Variants in CXorf66 observed in about 807,000 individuals in gnomAD.
The protein encoded by CXorf66 is uncharacterized protein CXorf66.
Under a neutral mutation model 5.0 loss-of-function variants are expected in CXorf66, and 6 were observed. The ratio of observed to expected loss-of-function variants is 1.20; its 90% CI spans 0.65 to 2.36. The LOEUF is 2.36. Ranked by LOEUF, CXorf66 falls within the 30% of genes most tolerant of loss-of-function variation. The pLI is 0.00. For missense variants in CXorf66, 270 were observed against 254.9 expected (o/e 1.06, Z -0.40); for synonymous variants, 98 against 102.8 (o/e 0.95, Z 0.28).
intron 1 of CXorf66, among the ~76,000 whole-genome samples, chrX:139,963,351 A>T (rs755198420): frequency 8.9e-6 from 1 of 111,829 alleles, no homozygotes; most frequent in Admixed American, 9.5e-5. Context: ...AATACAACTT[A>T]CAAGAGATGT....
rs1380492634 is a variant in CXorf66 at position 139,956,204 on chromosome X, A to T, written c.778T>A (p.Ser260Thr). The T allele has an allele frequency of 5.8e-6, 7 of 1,211,538 alleles. No individual in the cohort carries two copies. Among genetic ancestry groups the T allele is most frequent in the African/African-American group, 1.7e-5 (1 of 57,805 alleles). Residue 260 changes from serine (S) to threonine (T), a missense_variant, in exon 3 of 3, where the codon TCT becomes ACT. By Grantham distance (58) the Ser-to-Thr change is moderately conservative. Transcript: ENST00000370540. ...GGTTGACAAGTTTCAGCTAATTCAG[A>T]GTTGGATAATAAGGCTGCCCTGCCT... ...SLGRAALLSN[S>T]ELAETCQPYK...
Position 139,958,157 on chromosome X carries a change from A to T in CXorf66, c.149T>A (p.Ile50Asn). 1 of 1,198,993 alleles carries T rather than the reference A, an allele frequency of 8.3e-7. No homozygotes were observed. Among genetic ancestry groups the T allele is most frequent in the Non-Finnish European group, 1.1e-6 (1 of 886,503 alleles). Residue 50 changes from isoleucine (I) to asparagine (N), a missense_variant, in exon 2 of 3, where the codon ATT (isoleucine) becomes AAT (asparagine). Coordinates refer to ENST00000370540, the MANE Select transcript of CXorf66 (RefSeq NM_001013403.3). The part of the protein sequence containing the change: ...KLNYLRRNLL[I>N]LVGIIIMVFV... ...AACCATGATGATAATACCAACTAAAATGAGTAGATTTCTTCTAAGGTAGTT... is the reference window on the plus strand; with the variant it reads ...AACCATGATGATAATACCAACTAAATTGAGTAGATTTCTTCTAAGGTAGTT...
chrX:139,956,884 C>T (rs140431147), intron 2 of CXorf66, 145 bp from the exon 3 acceptor site: 53 of 587,345 alleles, frequency 9.0e-5, no homozygotes, highest in East Asian at 3.4e-4. Context: ...CGGAGTGTGA[C>T]GGCTGTGTGT....
At chrX:139,957,494 T>C (rs959516094) in intron 2 of CXorf66, among the ~76,000 whole-genome samples, 3 of 111,898 alleles carry the variant, frequency 2.7e-5, no homozygotes, top group African/African-American at 9.7e-5. Flanking sequence ...ATTGTTTTTG[T>C]ATCATATTTA....
At chrX:139,962,415 A>G (rs2085596469) in intron 1 of CXorf66, among the ~76,000 whole-genome samples, 1 of 111,606 alleles carries the variant, frequency 9.0e-6, no homozygotes, top group Non-Finnish European at 1.9e-5. Context: ...AAGTTCTGAA[A>G]TTGAGGCAGT....
chrX:139,957,093 G>A (rs772644663), intron 2 of CXorf66, among the ~76,000 whole-genome samples: 72 of 111,328 alleles, frequency 6.5e-4, no homozygotes, highest in African/African-American at 2.3e-3. Context: ...TCTGAACCTG[G>A]GAGGCAGAGG....
Position 139,955,785 on chromosome X carries a change from G to T in CXorf66, c.*111C>A. 1 of 654,275 alleles carries T rather than the reference G, an allele frequency of 1.5e-6. No homozygotes were observed. The highest frequency in any genetic ancestry group is 2.2e-6 in the Non-Finnish European group (1 of 449,079). The allele number at this position is 654,275 out of a possible 1,213,427, so 53.9% of individuals were successfully genotyped here. A position where few individuals can be genotyped will look rare whatever the true frequency, so the allele number is the denominator to read the frequency against. ...ATAAATCGCCTCCAAGACAGATATG[G>T]GTGATCTTGATAGTGATTTTTCCCT... On this transcript the variant is annotated 3_prime_UTR_variant, in exon 3 of 3. Transcript: ENST00000370540.
At chrX:139,963,051 G>A (rs1365333093) in intron 1 of CXorf66, among the ~76,000 whole-genome samples, 3 of 111,837 alleles carry the variant, frequency 2.7e-5, no homozygotes, top group Non-Finnish European at 5.6e-5. Flanking sequence ...ATTCAACATA[G>A]TATTGGAACT....
In CXorf66 at chrX:139,956,678, C is replaced by T. The variant is rs1245473654; in HGVS notation, c.304G>A (p.Ala102Thr). 1 of 1,209,643 alleles carries T rather than the reference C, an allele frequency of 8.3e-7. No individual in the cohort carries two copies. The highest frequency in any genetic ancestry group is 1.8e-5 in the South Asian group (1 of 56,863). Residue 102 changes from alanine to threonine, a missense_variant, in exon 3 of 3, where the codon GCC becomes ACC. Ala to Thr is a moderately conservative substitution (Grantham distance 58). Coordinates refer to ENST00000370540, the MANE Select transcript of CXorf66 (RefSeq NM_001013403.3). ...SKTSFSEAKT[A>T]SQCSPETQPM... ...TGTGTTTCTGGACTGCATTGAGAGGCTGTCTTGGCTTCACTGAATGATGTT... is the reference window on the plus strand; with the variant it reads ...TGTGTTTCTGGACTGCATTGAGAGGTTGTCTTGGCTTCACTGAATGATGTT...
rs2085574759 is a variant in CXorf66, at chrX:139,956,618, A to G, written c.364T>C (p.Ser122Pro). The G allele has an allele frequency of 8.3e-7, 1 of 1,209,405 alleles. No individual in the cohort carries two copies. The highest frequency in any genetic ancestry group is 1.8e-5 in the African/African-American group (1 of 56,973). The part of the protein sequence containing the change: ...MLSTADKSSD[S>P]SSPERASAQS... ...GCGGATGCCCTTTCTGGACTCGATGAATCAGATGACTTGTCTGCAGTAGAT... is the reference window on the plus strand; with the variant it reads ...GCGGATGCCCTTTCTGGACTCGATGGATCAGATGACTTGTCTGCAGTAGAT... The change falls in exon 3 of 3, where the codon TCA (serine) becomes CCA (proline). Residue 122 changes from serine (S) to proline (P), a missense_variant. Ser to Pro is a moderately conservative substitution (Grantham distance 74). Coordinates refer to ENST00000370540, the MANE Select transcript of CXorf66 (RefSeq NM_001013403.3).
chrX:139,965,401 G>A lies in CXorf66; in HGVS notation c.88+8C>T. 1 of 1,173,854 alleles carries A rather than the reference G, an allele frequency of 8.5e-7. No homozygotes were observed. Among genetic ancestry groups the A allele is most frequent in the Non-Finnish European group, 1.2e-6 (1 of 862,727 alleles). On this transcript the variant is annotated splice_region_variant and intron_variant, in intron 1 of 2. Coordinates refer to ENST00000370540, the MANE Select transcript of CXorf66 (RefSeq NM_001013403.3). ...CATAATTTACAAGTTTTAAGGTTAG[G>A]CACCTACCTGTAGTAGAAGATCCAT...
rs779314930 is a variant in CXorf66 at position 139,958,176 on chromosome X, G to A, written c.130C>T (p.Leu44Phe). The change falls in exon 2 of 3, where the codon CTT becomes TTT. Residue 44 changes from leucine to phenylalanine, a missense_variant. By Grantham distance (22) the Leu-to-Phe change is conservative. Coordinates refer to ENST00000370540, the MANE Select transcript of CXorf66 (RefSeq NM_001013403.3). ...ACTAAAATGAGTAGATTTCTTCTAA[G>A]GTAGTTCAATTTTGTCTGCATTGAT... The part of the protein sequence containing the change: ...VESMQTKLNY[L>F]RRNLLILVGI... 11 of 1,191,173 alleles carry A rather than the reference G, an allele frequency of 9.2e-6. No individual in the cohort carries two copies. The East Asian group carries it at 3.3e-4, about 36-fold the overall frequency.
At chrX:139,960,256 C>T (rs2085588709) in intron 1 of CXorf66, among the ~76,000 whole-genome samples, 1 of 108,987 alleles carries the variant, frequency 9.2e-6, no homozygotes, top group Admixed American at 1.0e-4. Flanking sequence ...GTGAAAAACA[C>T]AGCACGAGAA....
intron 2 of CXorf66, 111 bp from the exon 3 acceptor site, chrX:139,956,850 A>G: frequency 1.4e-6 from 1 of 732,385 alleles, no homozygotes; most frequent in East Asian, 3.2e-5. Context: ...GGGCTTTAAT[A>G]TGAAAACTGA....
Position 139,958,112 on chromosome X carries a change from C to T in CXorf66, c.194G>A (p.Cys65Tyr), listed in dbSNP as rs752471296. 3.3e-6 allele frequency: 4 copies of T among 1,205,445 alleles called. No individual in the cohort carries two copies. The highest frequency in any genetic ancestry group is 4.5e-6 in the Non-Finnish European group (4 of 892,881). The change falls in exon 2 of 3, where the codon TGT (cysteine) becomes TAT (tyrosine). Residue 65 changes from cysteine (C) to tyrosine (Y), a missense_variant. Cys to Tyr is a radical substitution (Grantham distance 194). Coordinates refer to ENST00000370540, the MANE Select transcript of CXorf66 (RefSeq NM_001013403.3). Reference sequence around the variant, plus strand: ...GCTCAGACAATTATAATGGAGATAACAAAAACAGATAAAGACAAAAACCAT... The same window carrying T: ...GCTCAGACAATTATAATGGAGATAATAAAAACAGATAAAGACAAAAACCAT... ...IIMVFVFICFCYLHYNCLSDD... is the reference protein window; with the variant it reads ...IIMVFVFICFYYLHYNCLSDD...
chrX:139,959,878 A>G (rs2148218143), intron 1 of CXorf66, among the ~76,000 whole-genome samples: 1 of 111,962 alleles, frequency 8.9e-6, no homozygotes, highest in East Asian at 2.8e-4. Flanking sequence ...AATAATATCA[A>G]CATCAACAAA....
rs201034623 is a variant in CXorf66 at position 139,955,996 on chromosome X, G to A, written c.986C>T (p.Thr329Met). The change falls in exon 3 of 3, where the codon ACG (threonine) becomes ATG (methionine). Residue 329 changes from threonine (T) to methionine (M), a missense_variant. By Grantham distance (81) the Thr-to-Met change is moderately conservative. Coordinates refer to ENST00000370540, the MANE Select transcript of CXorf66 (RefSeq NM_001013403.3). ...AYGDHVNDSD[T>M]MKYYSEVDSD... ...GTCAACCTCACTATAATATTTCATC[G>A]TATCACTGTCATTCACATGATCACC... 2 of 1,208,026 alleles carry A rather than the reference G, an allele frequency of 1.7e-6. No homozygotes were observed. The highest frequency in any genetic ancestry group is 1.8e-5 in the African/African-American group (1 of 57,047).
chrX:139,958,023 A>G (rs758330956), intron 2 of CXorf66, 41 bp downstream of exon 2: 2 of 1,144,942 alleles, frequency 1.7e-6, no homozygotes, highest in African/African-American at 3.6e-5. Flanking sequence ...ATGTACACAC[A>G]CACACACCTC....
At position 139,958,161 on chromosome X, in the gene CXorf66, G is replaced by A. The variant is rs749509683; in HGVS notation, c.145C>T (p.Leu49Phe). The A allele has an allele frequency of 5.8e-6, 7 of 1,196,929 alleles. No homozygotes were observed. Among genetic ancestry groups the A allele is most frequent in the Non-Finnish European group, 1.1e-6 (1 of 886,369 alleles). The part of the protein sequence containing the change: ...TKLNYLRRNL[L>F]ILVGIIIMVF... ...ATGATGATAATACCAACTAAAATGA[G>A]TAGATTTCTTCTAAGGTAGTTCAAT... Residue 49 changes from leucine to phenylalanine, a missense_variant, in exon 2 of 3, where the codon CTC (leucine) becomes TTC (phenylalanine). By Grantham distance (22) the Leu-to-Phe change is conservative. Transcript: ENST00000370540.
Sources: allele counts gnomAD v4.1 joint callset (sites outside exome capture counted in the v4.1 genomes callset), GRCh38; gene constraint gnomAD v4.1.1; transcripts MANE v1.5; gene names NCBI Gene and HGNC (gene_info 2026-07-23, HGNC 2026-07-21).